The following POLR2F variants were observed in gnomAD, a reference collection of about 807,000 sequenced individuals.
POLR2F encodes the protein DNA-directed RNA polymerases I, II, and III subunit RPABC2.
POLR2F carries 12 observed loss-of-function variants against 22.7 expected under a neutral mutation model. That is an observed-to-expected ratio of 0.53 (90% CI 0.34 to 0.86). The LOEUF is 0.86. Ranked by LOEUF, POLR2F falls within the 40% of genes least tolerant of loss-of-function variation. POLR2F has a pLI of 0.02. For synonymous variants in POLR2F, 57 were observed against 66.0 expected, an observed-to-expected ratio of 0.86 and a Z score of 0.66; for missense variants, 126 against 171.5, an observed-to-expected ratio of 0.73 and a Z score of 1.48.
intron 3 of POLR2F, among the ~76,000 whole-genome samples, chr22:37,962,925 T>G (rs1452196604): frequency 6.6e-6 from 1 of 151,894 alleles, no homozygotes; most frequent in African/African-American, 2.4e-5. Context: ...CTCCTGACCT[T>G]GTGATCTGCC....
In POLR2F at chr22:37,967,170, A is replaced by G; in HGVS notation, c.293A>G (p.Lys98Arg). The part of the protein sequence containing the change: ...DPLLIAMKEL[K>R]ARKIPIIIRR... ...CTGCTCATTGCCATGAAGGAACTCA[A>G]GTAAGTCACTCAAATCATGGTTCAC... is the stretch of plus-strand genomic sequence containing the variant. Residue 98 changes from lysine to arginine, a missense_variant and splice_region_variant, in exon 4 of 5, where the codon AAG becomes AGG. Coordinates refer to ENST00000442738, the MANE Select transcript of POLR2F (RefSeq NM_021974.5). The G allele has an allele frequency of 6.2e-7, 1 of 1,612,694 alleles. No individual in the cohort carries two copies. Among genetic ancestry groups the G allele is most frequent in the South Asian group, 1.1e-5 (1 of 91,038 alleles).
At chr22:38,018,463 C>T (rs1460501909) in intron 1 of POLR2F, among the ~76,000 whole-genome samples, 1 of 152,068 alleles carries the variant, frequency 6.6e-6, no homozygotes, top group Admixed American at 6.6e-5. Context: ...GATTTAGAAT[C>T]GAGCTGAAGG....
chr22:37,967,149 T>C lies in POLR2F; in HGVS notation c.272T>C (p.Leu91Pro), dbSNP rs1931886515. 1 of 1,613,438 alleles carries C rather than the reference T, an allele frequency of 6.2e-7. No homozygotes were observed. Among genetic ancestry groups the C allele is most frequent in the Non-Finnish European group, 8.5e-7 (1 of 1,179,596 alleles). ...VELEGETDPL[L>P]IAMKELKARK... is the part of the protein sequence containing the mutation. ...CTGGAGGGGGAGACAGATCCTCTGC[T>C]CATTGCCATGAAGGAACTCAAGTAA... The change falls in exon 4 of 5, where the codon CTC (leucine) becomes CCC (proline). Residue 91 changes from leucine (L) to proline (P), a missense_variant. Coordinates refer to ENST00000442738, the MANE Select transcript of POLR2F (RefSeq NM_021974.5).
chr22:37,976,918 G>A (rs1375136495), intron 4 of POLR2F, among the ~76,000 whole-genome samples: 1 of 152,128 alleles, frequency 6.6e-6, no homozygotes, highest in African/African-American at 2.4e-5. Flanking sequence ...AATGGCTGGT[G>A]GGATTTGGGA....
At chr22:38,027,636 T>A (rs1471709207), downstream of POLR2F, among the ~76,000 whole-genome samples, 1 of 152,172 alleles carries the variant, frequency 6.6e-6, no homozygotes, top group Non-Finnish European at 1.5e-5. Context: ...AATCCTCATT[T>A]GCTCCTGCAG....
At chr22:38,035,524 G>A (rs572244163) in intron 5 of POLR2F, among the ~76,000 whole-genome samples, 213 of 152,206 alleles carry the variant, frequency 1.4e-3, no homozygotes, top group South Asian at 0.013. Context: ...GCAATCCCTC[G>A]GTCTATCCTG....
intron 1 of POLR2F, among the ~76,000 whole-genome samples, chr22:37,991,417 C>T (rs1175811578): frequency 6.6e-6 from 1 of 152,156 alleles, no homozygotes; most frequent in African/African-American, 2.4e-5. Flanking sequence ...CTGCGCCTGG[C>T]CACCATTATT....
intron 1 of POLR2F, chr22:38,025,510 T>C: frequency 7.0e-7 from 1 of 1,423,844 alleles, no homozygotes. Context: ...AGTCCCAACA[T>C]TCACAAATTC....
At chr22:38,001,821 C>T (rs1380657064) in intron 1 of POLR2F, among the ~76,000 whole-genome samples, 1 of 151,354 alleles carries the variant, frequency 6.6e-6, no homozygotes, top group African/African-American at 2.4e-5. Context: ...GTGTGAGCCA[C>T]CTTGCCTGGC....
upstream of POLR2F, chr22:37,986,056 T>C (rs910513485): frequency 1.4e-6 from 2 of 1,411,786 alleles, no homozygotes; most frequent in South Asian, 1.5e-5. The surrounding 1 kb of genome is among the most constrained non-coding windows in gnomAD (Gnocchi z 4.7). Context: ...CCCAGACTCT[T>C]GTTCGGGGCC....
chr22:37,970,129 T>TA (rs932121037), downstream of POLR2F, among the ~76,000 whole-genome samples: 1 of 151,502 alleles, frequency 6.6e-6, no homozygotes, highest in Non-Finnish European at 1.5e-5. Flanking sequence ...CCGTCTGTAC[T>TA]AAAAAATACA....
chr22:38,003,413 G>T (rs1325209300), intron 1 of POLR2F, among the ~76,000 whole-genome samples: 1 of 152,110 alleles, frequency 6.6e-6, no homozygotes, highest in African/African-American at 2.4e-5. Flanking sequence ...TTTCAGTAAG[G>T]ATGGGGTTTC....
intron 5 of POLR2F, among the ~76,000 whole-genome samples, chr22:38,035,777 G>A (rs922561255): frequency 1.3e-5 from 2 of 152,192 alleles, no homozygotes; most frequent in African/African-American, 4.8e-5. Context: ...GGTGGGAGGT[G>A]CTGCCCCTTC....
chr22:37,983,271 G>A, upstream of POLR2F: 1 of 1,437,682 alleles, frequency 7.0e-7, no homozygotes, highest in Non-Finnish European at 9.5e-7. This position sits in a 1 kb window ranked among gnomAD's most constrained non-coding sequence, Gnocchi z 9.5. Context: ...GTCCCGCTCT[G>A]AGGTGCAGGA....
intron 3 of POLR2F, among the ~76,000 whole-genome samples, chr22:37,964,322 T>C (rs954541381): frequency 1.4e-4 from 21 of 152,002 alleles, no homozygotes; most frequent in Admixed American, 1.3e-3. Flanking sequence ...TTGTGGGTAC[T>C]CCAGGTGCCA....
intron 1 of POLR2F, among the ~76,000 whole-genome samples, chr22:38,007,020 A>G (rs1339130433): frequency 2.0e-5 from 3 of 152,170 alleles, no homozygotes; most frequent in African/African-American, 7.2e-5. Context: ...ATTTACTGGT[A>G]TGGGTACTCC....
At chr22:37,971,986 C>T (rs1016064315), downstream of POLR2F, among the ~76,000 whole-genome samples, 2 of 150,894 alleles carry the variant, frequency 1.3e-5, no homozygotes, top group African/African-American at 4.9e-5. Flanking sequence ...GGGATGCCAG[C>T]TGTCCTAACA....
intron 5 of POLR2F, chr22:38,040,757 A>G: frequency 2.3e-6 from 1 of 441,986 alleles, no homozygotes; most frequent in Non-Finnish European, 4.1e-6. Flanking sequence ...CTCCTTTGTG[A>G]ACGAGGGCAC....
chr22:38,020,259 A>G lies in POLR2F; in HGVS notation c.121-5610A>G, dbSNP rs774059670. 2.0e-5 allele frequency among the ~76,000 whole-genome samples: 3 copies of G among 151,498 alleles called. No homozygotes were observed. The South Asian group carries it at 6.3e-4, about 32-fold the overall frequency. On this transcript the variant is annotated intron_variant, in intron 1 of 2. Coordinates refer to the POLR2F transcript ENST00000333418. ...CATACATATATATATACACATATAT[A>G]TACATATTTAAAAAAAATTTTTTTA...
Sources: allele counts gnomAD v4.1 joint callset (sites outside exome capture counted in the v4.1 genomes callset), GRCh38; gene constraint gnomAD v4.1.1; non-coding constraint Gnocchi (gnomAD v3.1); transcripts MANE v1.5; gene names NCBI Gene and HGNC (gene_info 2026-07-23, HGNC 2026-07-21).